ICA1: variants seen among roughly 807,000 people sequenced by gnomAD.
The protein encoded by ICA1 is islet cell autoantigen 1.
A neutral mutation model predicts 71.0 loss-of-function variants in ICA1; 40 were observed. The observed-to-expected ratio is 0.56, with a 90% CI of 0.44 to 0.73. The LOEUF is 0.73. ICA1 is among the 30% of genes least tolerant of loss of function. ICA1 has a pLI of 0.00. For synonymous variants in ICA1, 207 were observed against 209.5 expected (o/e 0.99, Z 0.10); for missense variants, 578 against 576.5 (o/e 1.00, Z -0.03).
intron 13 of ICA1, among the ~76,000 whole-genome samples, chr7:8,126,034 C>T (rs1789053438): frequency 6.6e-6 from 1 of 152,238 alleles, no homozygotes; most frequent in African/African-American, 2.4e-5. Context: ...CTGAGATGAA[C>T]TTCTCTCACT....
intron 13 of ICA1, among the ~76,000 whole-genome samples, chr7:8,121,968 G>A (rs1299918724): frequency 6.6e-6 from 1 of 152,204 alleles, no homozygotes; most frequent in Non-Finnish European, 1.5e-5. Context: ...ATTAAGTACA[G>A]GTTGTCATGG....
chr7:8,224,379 T>A (rs1440721525), intron 4 of ICA1, among the ~76,000 whole-genome samples: 1 of 151,702 alleles, frequency 6.6e-6, no homozygotes, highest in Non-Finnish European at 1.5e-5. Context: ...GTCCTATGTA[T>A]AAGAATGGGA....
At position 8,238,489 on chromosome 7, in the gene ICA1, T is replaced by C. The variant is rs1802602210; in HGVS notation, c.-79-2484A>G. ...ATTTTTAAATTGGGTCATTTTGTTA[T>C]TGACCCAACTTAATTTGCAGGAGTT... On this transcript the variant is annotated intron_variant, in intron 1 of 13. Coordinates refer to ENST00000402384, the MANE Select transcript of ICA1 (RefSeq NM_001136020.3). 2.6e-5 allele frequency among the ~76,000 whole-genome samples: 4 copies of C among 152,328 alleles called. No individual in the cohort carries two copies. The South Asian group carries it at 8.3e-4, about 32-fold the overall frequency.
intron 8 of ICA1, among the ~76,000 whole-genome samples, chr7:8,152,659 C>G (rs1186026158): frequency 2.8e-3 from 415 of 150,264 alleles, no homozygotes; most frequent in African/African-American, 9.7e-3. Flanking sequence ...ACCACCACCA[C>G]CACCACCACC....
chr7:8,117,826 AC>A (rs1785270336), intron 13 of ICA1, among the ~76,000 whole-genome samples: 1 of 152,248 alleles, frequency 6.6e-6, no homozygotes, highest in African/African-American at 2.4e-5. Context: ...AGTATATGGC[AC>A]AAAAAGTATA....
chr7:8,149,361 A>T (rs4720766), intron 8 of ICA1, among the ~76,000 whole-genome samples: 149,704 of 152,362 alleles, frequency 0.98, 73,550 homozygotes, highest in East Asian at 1. Flanking sequence ...TTAGACTAAG[A>T]AACTTTTCTC....
chr7:8,252,418 C>A (rs1440225157), intron 1 of ICA1, among the ~76,000 whole-genome samples: 1 of 152,092 alleles, frequency 6.6e-6, no homozygotes, highest in African/African-American at 2.4e-5. Context: ...ACAAATCTTA[C>A]TTTAAAGAAT....
chr7:8,160,848 G>C (rs938496231), intron 6 of ICA1, among the ~76,000 whole-genome samples: 1 of 152,160 alleles, frequency 6.6e-6, no homozygotes, highest in African/African-American at 2.4e-5. Flanking sequence ...AAGAGTCTAG[G>C]ATGAGTAAGT....
At chr7:8,227,733 T>C (rs1302958360) in intron 4 of ICA1, 1 of 411,802 alleles carries the variant, frequency 2.4e-6, no homozygotes, top group Non-Finnish European at 4.8e-6. Flanking sequence ...ACATGCACGG[T>C]ACCCGGATAA....
rs1562815357 is a variant in ICA1 at position 8,170,736 on chromosome 7, A to G, written c.580-12084T>C. Among the ~76,000 whole-genome samples, 3 of 152,040 alleles carry G rather than the reference A, an allele frequency of 2.0e-5. 1 individual carries two copies. ...GAGATTCCTTAGAATTTTCCATAAA[A>G]ATTCATGTGGATACATCTATGTACA... On this transcript the variant is annotated intron_variant, in intron 6 of 13. Transcript: ENST00000402384.
At chr7:8,189,559 TTTC>T (rs1158313852) in intron 6 of ICA1, among the ~76,000 whole-genome samples, 5 of 152,150 alleles carry the variant, frequency 3.3e-5, no homozygotes, top group Non-Finnish European at 2.9e-5. Flanking sequence ...AGGCAGGTTT[TTTC>T]TTCTTCTTTT....
In ICA1 at chr7:8,157,080, C is replaced by T. The variant is rs760483120; in HGVS notation, c.804+36G>A. The T allele has an allele frequency of 1.9e-6, 3 of 1,613,970 alleles. No individual in the cohort carries two copies. The African/African-American group carries it at 4.0e-5, about 22-fold the overall frequency. On this transcript the variant is annotated intron_variant, in intron 8 of 13. Transcript: ENST00000402384. Reference sequence around the variant, plus strand: ...GTGATATAAACAAAACTTTACTTTTCTCAAGATTTTCTAGTGGCCCCTCTA... The same window carrying T: ...GTGATATAAACAAAACTTTACTTTTTTCAAGATTTTCTAGTGGCCCCTCTA...
At chr7:8,147,048 GCTCAATTATCTT>G (rs941535369) in intron 8 of ICA1, among the ~76,000 whole-genome samples, 3 of 151,978 alleles carry the variant, frequency 2.0e-5, no homozygotes, top group Non-Finnish European at 4.4e-5. Context: ...CTCCTGGTTT[GCTCAATTATCTT>G]CTCATTGTGT....
chr7:8,129,308 C>T (rs1790533036), intron 12 of ICA1, among the ~76,000 whole-genome samples: 1 of 150,608 alleles, frequency 6.6e-6, no homozygotes, highest in South Asian at 2.1e-4. Context: ...CTGATATGGT[C>T]ATATTAAATG....
intron 5 of ICA1, 164 bp from the exon 6 acceptor site, chr7:8,218,667 A>G (rs770227500): frequency 4.3e-5 from 28 of 644,388 alleles, no homozygotes; most frequent in Non-Finnish European, 6.9e-5. Flanking sequence ...TGTAGTTCCA[A>G]CTGATTAGTC....
chr7:8,181,626 A>G (rs1176204525), intron 6 of ICA1, among the ~76,000 whole-genome samples: 2 of 152,164 alleles, frequency 1.3e-5, no homozygotes, highest in Non-Finnish European at 1.5e-5. Context: ...CTTTTCTTAA[A>G]CCTGCTTTAA....
chr7:8,196,625 T>C (rs770821336), intron 6 of ICA1, among the ~76,000 whole-genome samples: 18 of 152,080 alleles, frequency 1.2e-4, no homozygotes, highest in Non-Finnish European at 2.6e-4. Flanking sequence ...TGTGGGGTGG[T>C]TGGGAAGCGG....
At chr7:8,157,005 C>A (rs1177045031) in intron 8 of ICA1, 111 bp downstream of exon 8, 1 of 1,597,650 alleles carries the variant, frequency 6.3e-7, no homozygotes, top group South Asian at 1.1e-5. Flanking sequence ...GTTCTCTCTT[C>A]AGCATTCTGA....
chr7:8,161,199 A>G (rs1338602202), intron 6 of ICA1, among the ~76,000 whole-genome samples: 1 of 152,254 alleles, frequency 6.6e-6, no homozygotes, highest in East Asian at 1.9e-4. Flanking sequence ...GGTACATAAC[A>G]GGGAGTCAAT....
Sources: allele counts gnomAD v4.1 joint callset (sites outside exome capture counted in the v4.1 genomes callset), GRCh38; gene constraint gnomAD v4.1.1; transcripts MANE v1.5; gene names NCBI Gene and HGNC (gene_info 2026-07-23, HGNC 2026-07-21).